The following NPHP1 variants were observed in gnomAD, a reference collection of about 807,000 sequenced individuals.
NPHP1 encodes nephrocystin 1, also known as nephrocystin-1.
In NPHP1, 70 loss-of-function variants were observed where a neutral mutation model predicts 90.4. The ratio of observed to expected loss-of-function variants is 0.77; its 90% CI spans 0.64 to 0.95. NPHP1 has a LOEUF of 0.95. Among genes scored for constraint, NPHP1 ranks in the 40% least tolerant of loss-of-function variants. NPHP1 has a pLI of 0.00. For synonymous variants in NPHP1, 256 were observed against 271.7 expected (o/e 0.94, Z 0.57); for missense variants, 764 against 795.9 (o/e 0.96, Z 0.48).
intron 3 of NPHP1, among the ~76,000 whole-genome samples, chr2:110,179,331 T>C (rs1683724062): frequency 6.6e-6 from 1 of 152,150 alleles, no homozygotes; most frequent in Non-Finnish European, 1.5e-5. Context: ...TTCTAAACTG[T>C]AAAACAACTC....
intron 11 of NPHP1, among the ~76,000 whole-genome samples, chr2:110,152,943 A>G (rs1286266293): frequency 1.3e-5 from 2 of 152,162 alleles, no homozygotes; most frequent in Non-Finnish European, 2.9e-5. Flanking sequence ...GACAAAAGAC[A>G]TAAACCTATA....
chr2:110,202,878 A>G (rs1213100341), intron 1 of NPHP1, among the ~76,000 whole-genome samples: 4 of 152,272 alleles, frequency 2.6e-5, no homozygotes, highest in African/African-American at 9.6e-5. Flanking sequence ...TTCCCAAACA[A>G]CGTAAAACAG....
chr2:110,158,636 A>T (rs1682084844), intron 11 of NPHP1, among the ~76,000 whole-genome samples: 1 of 151,968 alleles, frequency 6.6e-6, no homozygotes, highest in Non-Finnish European at 1.5e-5. Context: ...ATAGCATAAT[A>T]TTTAAGGTGG....
chr2:110,176,015 G>C (rs1025327058), intron 4 of NPHP1, among the ~76,000 whole-genome samples: 8 of 149,032 alleles, frequency 5.4e-5, no homozygotes, highest in Admixed American at 3.4e-4. Flanking sequence ...TTCACATATT[G>C]TATTTTTTTA....
intron 2 of NPHP1, among the ~76,000 whole-genome samples, chr2:110,190,743 T>C (rs1203480762): frequency 6.6e-6 from 1 of 152,194 alleles, no homozygotes; most frequent in Non-Finnish European, 1.5e-5. Flanking sequence ...ACTGCCAGCA[T>C]GCTGTCACCT....
At chr2:110,162,994 G>A (rs919427300) in intron 9 of NPHP1, 54 bp downstream of exon 9, 16 of 1,216,740 alleles carry the variant, frequency 1.3e-5, no homozygotes, top group African/African-American at 4.5e-5. Flanking sequence ...AAAATTAGAC[G>A]TGGATCTTGA....
At chr2:110,175,728 T>C (rs1683460288) in intron 4 of NPHP1, among the ~76,000 whole-genome samples, 2 of 152,060 alleles carry the variant, frequency 1.3e-5, no homozygotes, top group South Asian at 2.1e-4. Context: ...CTTGGATCAG[T>C]GGATTGATAT....
At chr2:110,154,741 A>G (rs1157731989) in intron 11 of NPHP1, among the ~76,000 whole-genome samples, 2 of 152,074 alleles carry the variant, frequency 1.3e-5, no homozygotes, top group Non-Finnish European at 2.9e-5. Flanking sequence ...TATCTGTTGG[A>G]AGAAATTTCT....
chr2:110,187,596 G>A (rs1684385556), intron 2 of NPHP1, among the ~76,000 whole-genome samples: 1 of 152,156 alleles, frequency 6.6e-6, no homozygotes, highest in Non-Finnish European at 1.5e-5. Context: ...AAGGTAAAAA[G>A]AAGAGTGGGA....
At chr2:110,125,441 T>C in intron 19 of NPHP1, 196 bp downstream of exon 19, 1 of 1,181,914 alleles carries the variant, frequency 8.5e-7, no homozygotes, top group East Asian at 2.4e-5. Flanking sequence ...CTTGAACAAG[T>C]ATTCCTTCTC....
chr2:110,124,815 C>T (rs1193696751), intron 19 of NPHP1: 5 of 176,412 alleles, frequency 2.8e-5, no homozygotes, highest in Admixed American at 2.2e-4. Context: ...GGCAAAGTCA[C>T]ATGTATGTAG....
chr2:110,186,294 G>C (rs17842669), intron 2 of NPHP1, among the ~76,000 whole-genome samples: 6,513 of 152,242 alleles, frequency 0.043, 462 homozygotes, highest in African/African-American at 0.15. Context: ...AACAAGGAAG[G>C]GGTGTTGGAG....
chr2:110,168,947 G>A (rs188264668), intron 5 of NPHP1, among the ~76,000 whole-genome samples: 315 of 152,050 alleles, frequency 2.1e-3, no homozygotes, highest in African/African-American at 7.4e-3. Flanking sequence ...AATTCCCAAA[G>A]AATATCAATT....
At chr2:110,200,779 A>G (rs1173297431) in intron 2 of NPHP1, among the ~76,000 whole-genome samples, 1 of 152,170 alleles carries the variant, frequency 6.6e-6, no homozygotes. Context: ...AATTCATTTG[A>G]CATTTCAAAA....
chr2:110,176,082 G>A (rs139009522), intron 4 of NPHP1, among the ~76,000 whole-genome samples: 12 of 151,684 alleles, frequency 7.9e-5, no homozygotes, highest in Admixed American at 5.2e-4. Context: ...TTAAGATTTC[G>A]CTCTATTCAT....
chr2:110,179,706 A>T, intron 2 of NPHP1, 22 bp from the exon 3 acceptor site: 1 of 1,055,562 alleles, frequency 9.5e-7, no homozygotes, highest in Non-Finnish European at 1.4e-6. Flanking sequence ...AAAAAAAGAA[A>T]ATATATTGAT....
At chr2:110,191,334 A>G (rs1684717237) in intron 2 of NPHP1, among the ~76,000 whole-genome samples, 1 of 152,132 alleles carries the variant, frequency 6.6e-6, no homozygotes, top group African/African-American at 2.4e-5. Flanking sequence ...CGCTTTTCCC[A>G]CAGTCTTAGC....
Position 110,168,519 on chromosome 2 carries a change from G to A in NPHP1, c.557C>T (p.Pro186Leu). Reference protein sequence around the residue: ...GEILLVIEKKPDGWWIAKDAK... With the variant: ...GEILLVIEKKLDGWWIAKDAK... ...ATCCTTAGCTATCCACCAACCATCA[G>A]GTTTTTTTTCAATTACAAGGAGAAT... Residue 186 changes from proline to leucine, a missense_variant, in exon 6 of 20, where the codon CCT becomes CTT. Pro to Leu is a moderately conservative substitution (Grantham distance 98). Coordinates refer to ENST00000445609, the MANE Select transcript of NPHP1 (RefSeq NM_001128178.3). 6.2e-7 allele frequency: 1 copy of A among 1,612,658 alleles called. No homozygotes were observed. The highest frequency in any genetic ancestry group is 8.5e-7 in the Non-Finnish European group (1 of 1,179,088).
chr2:110,202,415 T>G (rs954847443), intron 1 of NPHP1: 1 of 454,444 alleles, frequency 2.2e-6, no homozygotes, highest in Non-Finnish European at 4.4e-6. Flanking sequence ...TCAGAGGGGC[T>G]GTTGATTACT....
Sources: allele counts gnomAD v4.1 joint callset (sites outside exome capture counted in the v4.1 genomes callset), GRCh38; gene constraint gnomAD v4.1.1; transcripts MANE v1.5; gene names NCBI Gene and HGNC (gene_info 2026-07-23, HGNC 2026-07-21).